Variants in NRXN1 observed in about 807,000 individuals in gnomAD.
NRXN1 encodes neurexin 1.
NRXN1 carries 39 observed loss-of-function variants against 150.9 expected under a neutral mutation model. The ratio of observed to expected loss-of-function variants is 0.26; its 90% CI spans 0.20 to 0.34. The LOEUF is 0.34. NRXN1 is among the 10% of genes least tolerant of loss of function. The pLI, the probability that NRXN1 is intolerant of heterozygous loss-of-function variation, is 1.00. For missense variants in NRXN1, 1,815 were observed against 1,949.9 expected (o/e 0.93, Z 1.30); for synonymous variants, 924 against 757.0 (o/e 1.22, Z -3.62).
chr2:50,655,825 T>C (rs568274760), intron 5 of NRXN1, among the ~76,000 whole-genome samples: 55 of 151,906 alleles, frequency 3.6e-4, no homozygotes, highest in African/African-American at 1.3e-3. Context: ...ATATTCTAGA[T>C]CTATACAAAG....
At chr2:50,140,669 CT>C (rs34745463) in intron 18 of NRXN1, among the ~76,000 whole-genome samples, 25,498 of 145,572 alleles carry the variant, frequency 0.18, 2,584 homozygotes, top group East Asian at 0.37. Context: ...TTTTCTCTCT[CT>C]TTTTTTTTTT....
rs1437204665 is a variant in NRXN1 at position 50,510,980 on chromosome 2, A to T, written c.2375-4363T>A. Among the ~76,000 whole-genome samples, 5 of 152,200 alleles carry T rather than the reference A, an allele frequency of 3.3e-5. 1 individual carries two copies. Among genetic ancestry groups the T allele is most frequent in the Admixed American group, 2.6e-4 (4 of 15,276 alleles). On this transcript the variant is annotated intron_variant, in intron 12 of 22. Coordinates refer to ENST00000401669, the MANE Select transcript of NRXN1 (RefSeq NM_001330078.2). ...TACAAATAAGAAACATGAAGTGCAA[A>T]GACATTAGATGACGTCCCCATTGTC...
chr2:50,729,331 T>C (rs2105186491), intron 5 of NRXN1, among the ~76,000 whole-genome samples: 1 of 152,334 alleles, frequency 6.6e-6, no homozygotes, highest in Admixed American at 6.5e-5. Flanking sequence ...TCTCATTTGA[T>C]CCACAGAGCA....
At position 50,411,164 on chromosome 2, in the gene NRXN1, T is replaced by C. The variant is rs763355193; in HGVS notation, c.3364+54278A>G. On this transcript the variant is annotated intron_variant, in intron 17 of 22. Transcript: ENST00000401669. Reference sequence around the variant, plus strand: ...GCCTCAGCCTGCCCAGTGCCTGGGATTGCAGGCGCGCGCCTCCACGCCTGA... The same window carrying C: ...GCCTCAGCCTGCCCAGTGCCTGGGACTGCAGGCGCGCGCCTCCACGCCTGA... 5.3e-4 allele frequency among the ~76,000 whole-genome samples: 80 copies of C among 152,056 alleles called. No homozygotes were observed. In the Middle Eastern group the frequency reaches 0.014, roughly 26 times the overall value.
intron 5 of NRXN1, among the ~76,000 whole-genome samples, chr2:50,757,762 A>G (rs1701327432): frequency 6.6e-6 from 1 of 151,610 alleles, no homozygotes; most frequent in Non-Finnish European, 1.5e-5. Flanking sequence ...AAGACTGGTG[A>G]CCCTCAAGAG....
intron 5 of NRXN1, among the ~76,000 whole-genome samples, chr2:50,787,381 G>A (rs1705275877): frequency 1.3e-5 from 2 of 151,878 alleles, no homozygotes; most frequent in African/African-American, 2.4e-5. Flanking sequence ...ACTATGTGGT[G>A]AAACCCCCAT....
chr2:50,177,105 A>G (rs2060401495), intron 18 of NRXN1, among the ~76,000 whole-genome samples: 1 of 152,280 alleles, frequency 6.6e-6, no homozygotes, highest in African/African-American at 2.4e-5. Flanking sequence ...TGAAAGTTAG[A>G]GTTTTAGAAA....
At chr2:50,647,828 T>G (rs1312394548) in intron 5 of NRXN1, among the ~76,000 whole-genome samples, 2 of 151,896 alleles carry the variant, frequency 1.3e-5, no homozygotes, top group Non-Finnish European at 2.9e-5. Context: ...AATCATCTTT[T>G]CACATTCTAA....
intron 21 of NRXN1, among the ~76,000 whole-genome samples, chr2:50,010,436 C>T (rs984158271): frequency 5.3e-5 from 8 of 152,104 alleles, no homozygotes; most frequent in Admixed American, 1.3e-4. Context: ...CTGATGAAAA[C>T]GATAAGCAGA....
chr2:49,930,261 C>T (rs1282019089), intron 22 of NRXN1, among the ~76,000 whole-genome samples: 2 of 151,942 alleles, frequency 1.3e-5, no homozygotes, highest in East Asian at 3.9e-4. Flanking sequence ...CGTATTTAAC[C>T]CCATAAATAA....
chr2:50,727,516 A>G (rs1697535434), intron 5 of NRXN1, among the ~76,000 whole-genome samples: 1 of 152,132 alleles, frequency 6.6e-6, no homozygotes, highest in Non-Finnish European at 1.5e-5. Flanking sequence ...CTTCTGCCAA[A>G]AACTATCAAA....
intron 17 of NRXN1, among the ~76,000 whole-genome samples, chr2:50,340,786 C>T (rs959877247): frequency 9.2e-5 from 14 of 152,092 alleles, no homozygotes; most frequent in Admixed American, 3.3e-4. Context: ...AAAAGTCATG[C>T]TCATTATTAT....
At position 50,981,752 on chromosome 2, in the gene NRXN1, G is replaced by A. The variant is rs192202841; in HGVS notation, c.772+45750C>T. On this transcript the variant is annotated intron_variant, in intron 2 of 22. Transcript: ENST00000401669. The stretch of plus-strand genomic sequence containing the variant: ...ACCAACAAAGGGATTCTGCAGCTGA[G>A]TATGGATTTCCTCCCAGTGACAGGC... 1.5e-3 allele frequency among the ~76,000 whole-genome samples: 232 copies of A among 152,042 alleles called. 2 individuals carry two copies. Among genetic ancestry groups the A allele is most frequent in the African/African-American group, 5.3e-3 (218 of 41,468 alleles).
intron 8 of NRXN1, among the ~76,000 whole-genome samples, chr2:50,588,281 T>C (rs563298421): frequency 1.2e-4 from 19 of 152,276 alleles, no homozygotes; most frequent in Non-Finnish European, 2.5e-4. Flanking sequence ...ATGGCAATAC[T>C]GTGGAAAAAT....
In NRXN1 at chr2:50,494,641, A is replaced by G. The variant is rs566385851; in HGVS notation, c.3070+1264T>C. Among the ~76,000 whole-genome samples, 4 of 152,366 alleles carry G rather than the reference A, an allele frequency of 2.6e-5. 1 individual carries two copies. The highest frequency in any genetic ancestry group is 9.6e-5 in the African/African-American group (4 of 41,592). ...CACACATTTTATATGTTGAGCAAATAAAGTCCCAGGATTCAAAATATATTC... is the reference window on the plus strand; with the variant it reads ...CACACATTTTATATGTTGAGCAAATGAAGTCCCAGGATTCAAAATATATTC... On this transcript the variant is annotated intron_variant, in intron 15 of 22. Transcript: ENST00000401669.
At chr2:50,837,031 T>C (rs1045839599) in intron 5 of NRXN1, among the ~76,000 whole-genome samples, 8 of 152,054 alleles carry the variant, frequency 5.3e-5, no homozygotes, top group Non-Finnish European at 1.0e-4. Flanking sequence ...TCCCTGAAGA[T>C]ACTTTGCATA....
chr2:51,014,190 T>C (rs1407325294), intron 2 of NRXN1, among the ~76,000 whole-genome samples: 2 of 152,046 alleles, frequency 1.3e-5, no homozygotes, highest in African/African-American at 2.4e-5. Context: ...TAACACATTT[T>C]TGGAACTAGC....
chr2:50,836,671 T>C (rs1291266040), intron 5 of NRXN1, among the ~76,000 whole-genome samples: 1 of 152,120 alleles, frequency 6.6e-6, no homozygotes, highest in Non-Finnish European at 1.5e-5. Context: ...TAAGGCTGAA[T>C]AGTATTTCAT....
chr2:50,714,395 T>C (rs143726316), intron 5 of NRXN1, among the ~76,000 whole-genome samples: 1 of 152,106 alleles, frequency 6.6e-6, no homozygotes, highest in African/African-American at 2.4e-5. Context: ...AGGTAACCCC[T>C]TCTTGACCCT....
Sources: gnomAD v4.1 joint callset for allele counts (sites outside exome capture counted in the v4.1 genomes callset) on GRCh38, gnomAD v4.1.1 for gene constraint, MANE v1.5 for transcripts, NCBI Gene and HGNC (gene_info 2026-07-23, HGNC 2026-07-21) for gene names.